The following RNF212B variants were observed in gnomAD, a reference collection of about 807,000 sequenced individuals.
RNF212B encodes the protein ring finger protein 212B, also known as E3 ubiquitin-protein ligase RNF212B.
RNF212B carries 52 observed loss-of-function variants against 55.5 expected under a neutral mutation model. That is an observed-to-expected ratio of 0.94 (90% CI 0.75 to 1.18). RNF212B has a LOEUF of 1.18. Ranked by LOEUF, RNF212B falls within the 50% of genes most tolerant of loss-of-function variation. The probability of loss-of-function intolerance (pLI) is 0.00; values close to 1 mark genes in which losing one functional copy is unlikely to be tolerated. For missense variants in RNF212B, 289 were observed against 350.4 expected (o/e 0.82, Z 1.40); for synonymous variants, 99 against 121.4 (o/e 0.82, Z 1.21).
At chr14:23,254,716 T>C (rs534330195) in intron 4 of RNF212B, among the ~76,000 whole-genome samples, 1 of 152,284 alleles carries the variant, frequency 6.6e-6, no homozygotes, top group African/African-American at 2.4e-5. Flanking sequence ...CAAACAAGAA[T>C]GTTTTGTTTA....
At chr14:23,220,119 G>A (rs1271065858) in intron 2 of RNF212B, among the ~76,000 whole-genome samples, 1 of 151,932 alleles carries the variant, frequency 6.6e-6, no homozygotes, top group East Asian at 1.9e-4. Flanking sequence ...GGGAGGCAGA[G>A]GTTGCAGTGA....
At chr14:23,208,662 T>A (rs113459800) in intron 2 of RNF212B, among the ~76,000 whole-genome samples, 1 of 151,666 alleles carries the variant, frequency 6.6e-6, no homozygotes, top group Non-Finnish European at 1.5e-5. Context: ...AGGGTGAGTC[T>A]GCAGTGCAAA....
chr14:23,215,507 TAAAC>T (rs905929253), intron 2 of RNF212B, among the ~76,000 whole-genome samples: 9 of 151,832 alleles, frequency 5.9e-5, no homozygotes, highest in African/African-American at 1.7e-4. Context: ...TCTGTATCTT[TAAAC>T]AAACAAACAA....
chr14:23,238,304 C>T (rs1284128391), intron 1 of RNF212B, among the ~76,000 whole-genome samples: 1 of 152,098 alleles, frequency 6.6e-6, no homozygotes, highest in Admixed American at 6.6e-5. Context: ...TAGTGTATCA[C>T]GATCGAACAA....
In RNF212B at chr14:23,259,908, G is replaced by A; in HGVS notation, c.369G>A (p.Glu123=). 1 of 1,521,420 alleles carries A rather than the reference G, an allele frequency of 6.6e-7. No individual in the cohort carries two copies. Among genetic ancestry groups the A allele is most frequent in the Non-Finnish European group, 8.8e-7 (1 of 1,131,890 alleles). 94.2% of individuals were successfully genotyped at this position (1,521,420 alleles called of 1,614,324 possible). Residue 123 remains glutamate (E), a synonymous_variant, in exon 6 of 15, where the codon GAG becomes GAA. Transcript: ENST00000430154. ...GAGAATTGTCAGTCTTAAGGAAGGA[G>A]AATGGAGAACTGAAGAAATTTCTAG... ...QDKELSVLRK[E]NGELKKFLAI...
At chr14:23,187,830 A>T (rs542221942) in intron 1 of RNF212B, among the ~76,000 whole-genome samples, 7 of 152,276 alleles carry the variant, frequency 4.6e-5, no homozygotes, top group African/African-American at 1.7e-4. Flanking sequence ...AGTCCCAGGG[A>T]TCACTGCCTA....
intron 1 of RNF212B, among the ~76,000 whole-genome samples, chr14:23,187,167 C>G (rs1877679178): frequency 6.6e-6 from 1 of 152,118 alleles, no homozygotes; most frequent in African/African-American, 2.4e-5. Flanking sequence ...GAAATTGATC[C>G]CTTTAACTAG....
At chr14:23,262,014 TAC>T (rs1182612141) in intron 7 of RNF212B, among the ~76,000 whole-genome samples, 2 of 151,868 alleles carry the variant, frequency 1.3e-5, no homozygotes, top group African/African-American at 4.8e-5. Flanking sequence ...TCTCTATATA[TAC>T]ACACACACAC....
chr14:23,218,636 C>T (rs577746269), intron 2 of RNF212B, among the ~76,000 whole-genome samples: 12 of 150,950 alleles, frequency 7.9e-5, no homozygotes, highest in African/African-American at 2.2e-4. Context: ...TCAGAGGAGA[C>T]GAAAGAAAAT....
intron 2 of RNF212B, among the ~76,000 whole-genome samples, chr14:23,242,081 CAAAAAAA>C (rs58497672): frequency 5.5e-5 from 2 of 36,646 alleles, no homozygotes; most frequent in Non-Finnish European, 9.7e-5. Flanking sequence ...GACTCCGTCT[CAAAAAAA>C]AAAAAAAAAA....
intron 9 of RNF212B, among the ~76,000 whole-genome samples, chr14:23,263,291 G>C (rs899937656): frequency 2.0e-5 from 3 of 152,224 alleles, no homozygotes; most frequent in African/African-American, 7.2e-5. Context: ...AGTTGAGAGT[G>C]AGGGTTGACA....
intron 2 of RNF212B, among the ~76,000 whole-genome samples, chr14:23,221,410 A>G (rs1162028896): frequency 6.6e-6 from 1 of 152,242 alleles, no homozygotes; most frequent in Non-Finnish European, 1.5e-5. Context: ...TCATTCTATA[A>G]TGATAAAGGG....
Position 23,272,907 on chromosome 14 carries a change from T to G in RNF212B, c.*16T>G. 6.8e-7 allele frequency: 1 copy of G among 1,462,398 alleles called. No individual in the cohort carries two copies. Among genetic ancestry groups the G allele is most frequent in the African/African-American group, 1.4e-5 (1 of 70,828 alleles). 90.6% of individuals were successfully genotyped at this position (1,462,398 alleles called of 1,614,324 possible). The stretch of plus-strand genomic sequence containing the variant: ...TTCTAGATAGATCATCTTCAAGATC[T>G]GATCTATACATGCTGCTGAAGGATG... On this transcript the variant is annotated 3_prime_UTR_variant, in exon 15 of 15. Coordinates refer to ENST00000430154, the MANE Select transcript of RNF212B (RefSeq NM_001282322.3).
intron 11 of RNF212B, 145 bp downstream of exon 11, chr14:23,264,816 A>AT: frequency 2.6e-6 from 1 of 383,872 alleles, no homozygotes; most frequent in Non-Finnish European, 4.4e-6. Context: ...ATATATTACA[A>AT]GGTTTTTTTT....
At chr14:23,209,006 C>T (rs1880202288) in intron 2 of RNF212B, among the ~76,000 whole-genome samples, 1 of 152,118 alleles carries the variant, frequency 6.6e-6, no homozygotes, top group Admixed American at 6.5e-5. Context: ...GATCCGCCCG[C>T]CTTGGCCTCC....
At chr14:23,249,130 A>G (rs889607750) in intron 4 of RNF212B, among the ~76,000 whole-genome samples, 1 of 152,276 alleles carries the variant, frequency 6.6e-6, no homozygotes, top group African/African-American at 2.4e-5. Context: ...AGATTTTTGA[A>G]GTCATATGTT....
chr14:23,223,659 C>G (rs768185432), intron 2 of RNF212B, among the ~76,000 whole-genome samples: 5 of 152,098 alleles, frequency 3.3e-5, no homozygotes, highest in Non-Finnish European at 5.9e-5. Context: ...CCGGCCAAGC[C>G]TTTCTTTTCA....
intron 2 of RNF212B, among the ~76,000 whole-genome samples, chr14:23,210,013 A>G (rs1484954608): frequency 1.3e-5 from 2 of 152,122 alleles, no homozygotes; most frequent in Non-Finnish European, 2.9e-5. Context: ...ATTAGCTGGC[A>G]TGATGTGTGT....
chr14:23,260,554 T>C (rs1209721372), intron 6 of RNF212B, 105 bp from the exon 7 acceptor site: 4 of 1,031,908 alleles, frequency 3.9e-6, no homozygotes, highest in Non-Finnish European at 5.9e-6. Context: ...TTAGCAACCA[T>C]GACTAAGGGG....
Sources: gnomAD v4.1 joint callset for allele counts (sites outside exome capture counted in the v4.1 genomes callset) on GRCh38, gnomAD v4.1.1 for gene constraint, MANE v1.5 for transcripts, NCBI Gene and HGNC (gene_info 2026-07-23, HGNC 2026-07-21) for gene names.